The following TENM4 variants were observed in gnomAD, a reference collection of about 807,000 sequenced individuals.
The protein encoded by TENM4 is teneurin-4.
Under a neutral mutation model 243.3 loss-of-function variants are expected in TENM4, and 82 were observed. The ratio of observed to expected loss-of-function variants is 0.34; its 90% confidence interval spans 0.28 to 0.40. The LOEUF is 0.40. Among genes scored for constraint, TENM4 ranks in the 10% least tolerant of loss-of-function variants. TENM4 has a pLI of 1.00. For missense variants in TENM4, 3,138 were observed against 3,673.3 expected, an observed-to-expected ratio of 0.85 and a Z score of 3.77; for synonymous variants, 1,412 against 1,456.3, an observed-to-expected ratio of 0.97 and a Z score of 0.69.
chr11:79,244,287 G>A (rs112547326), intron 2 of TENM4, among the ~76,000 whole-genome samples: 116 of 152,296 alleles, frequency 7.6e-4, no homozygotes, highest in Middle Eastern at 6.8e-3. Flanking sequence ...AGCAGTTCTC[G>A]GCCTGCTCCA....
rs555222465 is a variant in TENM4 at position 79,438,654 on chromosome 11, G to T, written c.-321+1855C>A. 1.3e-5 allele frequency among the ~76,000 whole-genome samples: 2 copies of T among 152,354 alleles called. No homozygotes were observed. The highest frequency in any genetic ancestry group is 2.9e-5 in the Non-Finnish European group (2 of 68,020). ...TTGAAAGACAAGGAGGGGCGCCCAG[G>T]AAGGGCGGAAAAGAGGGGCTTTGGG... On this transcript the variant is annotated intron_variant, in intron 1 of 33. Coordinates refer to ENST00000278550, the MANE Select transcript of TENM4 (RefSeq NM_001098816.3). The surrounding 1 kb of genome is among the most constrained non-coding windows in gnomAD (Gnocchi z 4.1).
At chr11:79,266,572 A>G (rs570854769) in intron 2 of TENM4, among the ~76,000 whole-genome samples, 21 of 152,174 alleles carry the variant, frequency 1.4e-4, no homozygotes, top group Non-Finnish European at 2.9e-4. Context: ...TATCTTTGCT[A>G]CTAGTATCAG....
intron 6 of TENM4, among the ~76,000 whole-genome samples, chr11:78,906,828 T>C (rs1856073821): frequency 6.6e-6 from 1 of 152,206 alleles, no homozygotes; most frequent in Admixed American, 6.5e-5. Flanking sequence ...TCTTCTCTTC[T>C]CTGTGCTGGG....
intron 6 of TENM4, among the ~76,000 whole-genome samples, chr11:79,038,046 A>G (rs1234577775): frequency 6.6e-6 from 1 of 152,150 alleles, no homozygotes; most frequent in African/African-American, 2.4e-5. Context: ...AGACCATCCT[A>G]CCCAGAGGTC....
intron 2 of TENM4, among the ~76,000 whole-genome samples, chr11:79,259,475 A>T (rs1855755048): frequency 6.6e-6 from 1 of 151,950 alleles, no homozygotes; most frequent in Non-Finnish European, 1.5e-5. Flanking sequence ...CTACCCAGCC[A>T]TCTGTCCATC....
intron 4 of TENM4, among the ~76,000 whole-genome samples, chr11:79,108,888 GC>G (rs1342089302): frequency 8.6e-5 from 13 of 151,884 alleles, no homozygotes; most frequent in Admixed American, 8.5e-4. Flanking sequence ...CCTTCTCTTA[GC>G]CCCTTTCCTC....
intron 4 of TENM4, among the ~76,000 whole-genome samples, chr11:79,139,916 G>T (rs1862254007): frequency 6.7e-6 from 1 of 148,702 alleles, no homozygotes; most frequent in Admixed American, 7.0e-5. Flanking sequence ...ATAAGTGAGT[G>T]CTATAATACA....
chr11:78,973,759 ATTAAATAT>A (rs1188732965), intron 6 of TENM4, among the ~76,000 whole-genome samples: 1 of 151,344 alleles, frequency 6.6e-6, no homozygotes, highest in Admixed American at 6.6e-5. Context: ...GGTTTTTGCC[ATTAAATAT>A]AATGGCAAAA....
chr11:78,895,005 A>AAG (rs1555098075), intron 7 of TENM4, among the ~76,000 whole-genome samples: 1,398 of 118,022 alleles, frequency 0.012, 154 homozygotes, highest in Non-Finnish European at 0.015. Context: ...AAAAAAAAAA[A>AAG]AAGAAGACAA....
At chr11:78,714,184 T>G (rs1346607762) in intron 25 of TENM4, among the ~76,000 whole-genome samples, 1 of 152,240 alleles carries the variant, frequency 6.6e-6, no homozygotes, top group Admixed American at 6.5e-5. Flanking sequence ...ATTTTGCATT[T>G]ATCAGGTATG....
At chr11:78,871,878 G>A (rs1169838545) in intron 9 of TENM4, among the ~76,000 whole-genome samples, 1 of 152,148 alleles carries the variant, frequency 6.6e-6, no homozygotes, top group African/African-American at 2.4e-5. Context: ...AGGAGACAGA[G>A]TGAGGATTAT....
intron 6 of TENM4, among the ~76,000 whole-genome samples, chr11:78,918,316 A>C (rs1856367583): frequency 6.6e-6 from 1 of 152,328 alleles, no homozygotes; most frequent in South Asian, 2.1e-4. Context: ...GAGTCAAGGC[A>C]CAAACGACGC....
At chr11:79,163,827 G>A (rs1414078720) in intron 3 of TENM4, among the ~76,000 whole-genome samples, 1 of 144,150 alleles carries the variant, frequency 6.9e-6, no homozygotes, top group Non-Finnish European at 1.5e-5. Context: ...ATACATGTAT[G>A]TGTACATATA....
intron 6 of TENM4, among the ~76,000 whole-genome samples, chr11:78,921,940 CT>C (rs1856457200): frequency 6.6e-6 from 1 of 152,210 alleles, no homozygotes; most frequent in Non-Finnish European, 1.5e-5. Context: ...CGAATGTCAT[CT>C]CTACCATCAA....
intron 6 of TENM4, among the ~76,000 whole-genome samples, chr11:78,933,061 G>A (rs561936686): frequency 1.3e-5 from 2 of 152,250 alleles, no homozygotes; most frequent in East Asian, 1.9e-4. Flanking sequence ...AGCAGGACCC[G>A]AACTCCGCTC....
At chr11:78,767,011 T>G (rs1856552870) in intron 18 of TENM4, among the ~76,000 whole-genome samples, 1 of 152,208 alleles carries the variant, frequency 6.6e-6, no homozygotes, top group Non-Finnish European at 1.5e-5. Flanking sequence ...AACACTGCTG[T>G]AGCATTCTTT....
chr11:78,700,880 C>T (rs1859085387), intron 28 of TENM4, among the ~76,000 whole-genome samples: 1 of 152,166 alleles, frequency 6.6e-6, no homozygotes, highest in Non-Finnish European at 1.5e-5. Flanking sequence ...TCTATATCCT[C>T]ATTTCCCTAC....
At chr11:78,710,540 T>C (rs1303063816) in intron 26 of TENM4, among the ~76,000 whole-genome samples, 1 of 152,242 alleles carries the variant, frequency 6.6e-6, no homozygotes, top group Non-Finnish European at 1.5e-5. Flanking sequence ...ATTCTGTAAG[T>C]GCCAAGACAG....
rs1481162600 is a variant in TENM4 at position 79,438,549 on chromosome 11, G to T, written c.-321+1960C>A. Among the ~76,000 whole-genome samples, 1 of 152,178 alleles carries T rather than the reference G, an allele frequency of 6.6e-6. No individual in the cohort carries two copies. The highest frequency in any genetic ancestry group is 1.5e-5 in the Non-Finnish European group (1 of 68,034). On this transcript the variant is annotated intron_variant, in intron 1 of 33. Transcript: ENST00000278550. This position sits in a 1 kb window ranked among gnomAD's most constrained non-coding sequence, Gnocchi z 4.1. Reference sequence around the variant, plus strand: ...TCTAACCCCTCGCCAGCGTGGGCCTGGATGGCTGGGCTGCCTGGGCATCTC... The same window carrying T: ...TCTAACCCCTCGCCAGCGTGGGCCTTGATGGCTGGGCTGCCTGGGCATCTC...
Sources: gnomAD v4.1 joint callset for allele counts (sites outside exome capture counted in the v4.1 genomes callset) on GRCh38, gnomAD v4.1.1 for gene constraint, Gnocchi (gnomAD v3.1) non-coding constraint, MANE v1.5 for transcripts, NCBI Gene and HGNC (gene_info 2026-07-23, HGNC 2026-07-21) for gene names.